ERO1A: variants seen among roughly 807,000 people sequenced by gnomAD.
The protein encoded by ERO1A is ERO1-like protein alpha.
Under a neutral mutation model 76.9 loss-of-function variants are expected in ERO1A, and 49 were observed. That is an observed-to-expected ratio of 0.64 (90% confidence interval 0.51 to 0.81). The LOEUF (loss-of-function observed/expected upper bound fraction) is 0.81, where lower values mean the gene tolerates loss of function less well. Among genes scored for constraint, ERO1A ranks in the 30% least tolerant of loss-of-function variants. The pLI is 0.00. For synonymous variants in ERO1A, 174 were observed against 181.2 expected (o/e 0.96, Z 0.32); for missense variants, 448 against 542.1 (o/e 0.83, Z 1.72).
At chr14:52,671,290 A>G (rs1458936507) in intron 6 of ERO1A, among the ~76,000 whole-genome samples, 1 of 152,196 alleles carries the variant, frequency 6.6e-6, no homozygotes, top group Non-Finnish European at 1.5e-5. Context: ...TATAATGAAC[A>G]TTGCTTTGCC....
chr14:52,662,994 G>A (rs2040278005), intron 8 of ERO1A, among the ~76,000 whole-genome samples: 1 of 152,176 alleles, frequency 6.6e-6, no homozygotes, highest in South Asian at 2.1e-4. Context: ...ATTACTTCAT[G>A]AGGAGGGAGA....
rs1320651547 is a variant in ERO1A at position 52,660,277 on chromosome 14, C to CCA, written c.688+1015_688+1016insTG. ...ATCAATACTTATAATAAGACAGTTT[C>CCA]TCTAAGGATGGCTCCCACAGGTTAA... is the stretch of plus-strand genomic sequence containing the variant. On this transcript the variant is annotated intron_variant, in intron 9 of 15. Transcript: ENST00000395686. Among the ~76,000 whole-genome samples the CCA allele has an allele frequency of 4.2e-3, 644 of 152,312 alleles. 9 individuals carry two copies. The highest frequency in any genetic ancestry group is 0.035 in the Admixed American group (531 of 15,294).
intron 2 of ERO1A, 91 bp downstream of exon 2, chr14:52,683,697 A>G: frequency 1.7e-6 from 1 of 578,090 alleles, no homozygotes; most frequent in Non-Finnish European, 2.8e-6. Flanking sequence ...AATTTTAAAT[A>G]ACAACTACAA....
chr14:52,648,258 C>T (rs182859002), intron 13 of ERO1A, among the ~76,000 whole-genome samples: 2 of 152,070 alleles, frequency 1.3e-5, no homozygotes, highest in African/African-American at 4.8e-5. Context: ...TAAAACTAAC[C>T]GGTAATATTA....
intron 11 of ERO1A, among the ~76,000 whole-genome samples, chr14:52,656,061 C>T (rs2040032940): frequency 1.3e-5 from 2 of 152,178 alleles, no homozygotes; most frequent in Non-Finnish European, 1.5e-5. Context: ...TCTATAGTCA[C>T]TACGCTGTAC....
intron 13 of ERO1A, among the ~76,000 whole-genome samples, chr14:52,650,116 G>A (rs1304796661): frequency 6.6e-6 from 1 of 152,058 alleles, no homozygotes; most frequent in Non-Finnish European, 1.5e-5. Flanking sequence ...CTACTCAGGA[G>A]GCTGAGGTGG....
At chr14:52,685,741 C>T (rs2041155664) in intron 1 of ERO1A, among the ~76,000 whole-genome samples, 1 of 152,170 alleles carries the variant, frequency 6.6e-6, no homozygotes, top group Admixed American at 6.6e-5. Flanking sequence ...TTTCAGGAAG[C>T]TGTCCTTCCA....
chr14:52,694,656 T>C (rs527654157), intron 1 of ERO1A, among the ~76,000 whole-genome samples: 1 of 152,200 alleles, frequency 6.6e-6, no homozygotes, highest in Non-Finnish European at 1.5e-5. Context: ...TCTCTCAATT[T>C]TTTGCTCAAG....
intron 2 of ERO1A, among the ~76,000 whole-genome samples, chr14:52,683,300 AG>A (rs2139764260): frequency 6.8e-6 from 1 of 147,486 alleles, no homozygotes; most frequent in South Asian, 2.2e-4. Flanking sequence ...TTTTCAAACA[AG>A]AAAGAGTTAA....
chr14:52,659,841 A>AG (rs1210696791), intron 9 of ERO1A, among the ~76,000 whole-genome samples: 1 of 150,962 alleles, frequency 6.6e-6, no homozygotes, highest in Admixed American at 6.6e-5. Context: ...TTTAAAAAAA[A>AG]AAAAAAAGAA....
At chr14:52,643,922 G>A (rs1013519755) in intron 15 of ERO1A, among the ~76,000 whole-genome samples, 1 of 152,066 alleles carries the variant, frequency 6.6e-6, no homozygotes, top group Non-Finnish European at 1.5e-5. Context: ...AGAACTACTT[G>A]AGGCCAGGAA....
chr14:52,659,332 G>C (rs1231952478), intron 9 of ERO1A, among the ~76,000 whole-genome samples: 1 of 152,064 alleles, frequency 6.6e-6, no homozygotes, highest in Non-Finnish European at 1.5e-5. Flanking sequence ...TACCTATCAA[G>C]TAAGATAAAA....
At chr14:52,678,040 C>T (rs11629393) in intron 4 of ERO1A, among the ~76,000 whole-genome samples, 22,558 of 151,800 alleles carry the variant, frequency 0.15, 1,885 homozygotes, top group African/African-American at 0.22. Flanking sequence ...CCAAGACGGG[C>T]GGATCACCAG....
chr14:52,649,900 G>T (rs1191220237), intron 13 of ERO1A, among the ~76,000 whole-genome samples: 1 of 152,094 alleles, frequency 6.6e-6, no homozygotes, highest in Non-Finnish European at 1.5e-5. Flanking sequence ...AAAAGCAGAG[G>T]AAGATTTTTG....
At chr14:52,656,571 G>A (rs2040052763) in intron 11 of ERO1A, among the ~76,000 whole-genome samples, 1 of 151,812 alleles carries the variant, frequency 6.6e-6, no homozygotes, top group South Asian at 2.1e-4. Flanking sequence ...AATTAGCTGG[G>A]TGTGGTGGCA....
intron 13 of ERO1A, among the ~76,000 whole-genome samples, chr14:52,651,250 T>C (rs2039856342): frequency 6.6e-6 from 1 of 152,144 alleles, no homozygotes; most frequent in Non-Finnish European, 1.5e-5. Context: ...ATTGTATCAC[T>C]GCACTCCAGC....
intron 6 of ERO1A, among the ~76,000 whole-genome samples, chr14:52,668,115 T>C (rs1449908295): frequency 3.9e-5 from 6 of 151,996 alleles, no homozygotes; most frequent in Non-Finnish European, 8.8e-5. Context: ...AAAAACAAAA[T>C]ATAAGGACTT....
At chr14:52,644,040 C>T (rs1404771788) in intron 15 of ERO1A, among the ~76,000 whole-genome samples, 3 of 151,818 alleles carry the variant, frequency 2.0e-5, no homozygotes, top group East Asian at 1.9e-4. Context: ...CTTGGAAACC[C>T]GAGGTAGGAG....
intron 9 of ERO1A, among the ~76,000 whole-genome samples, chr14:52,659,088 C>T (rs2040146071): frequency 6.6e-6 from 1 of 151,980 alleles, no homozygotes; most frequent in Non-Finnish European, 1.5e-5. Context: ...AAGCAAAATG[C>T]AAACAACAAA....
Sources: allele counts gnomAD v4.1 joint callset (sites outside exome capture counted in the v4.1 genomes callset), GRCh38; gene constraint gnomAD v4.1.1; transcripts MANE v1.5; gene names NCBI Gene and HGNC (gene_info 2026-07-23, HGNC 2026-07-21).